MCPH1: variants seen among roughly 807,000 people sequenced by gnomAD.
MCPH1 encodes microcephalin 1.
A neutral mutation model predicts 84.5 loss-of-function variants in MCPH1; 104 were observed. The ratio of observed to expected loss-of-function variants is 1.23; its 90% CI spans 1.05 to 1.45. MCPH1 has a LOEUF of 1.45. MCPH1 is among the 40% of genes most tolerant of loss of function. MCPH1 has a pLI of 0.00. For missense variants in MCPH1, 1,498 were observed against 1,005.7 expected (o/e 1.49, Z -6.62); for synonymous variants, 514 against 366.8 (o/e 1.40, Z -4.58).
intron 12 of MCPH1, among the ~76,000 whole-genome samples, chr8:6,503,455 A>T (rs895107220): frequency 2.0e-5 from 3 of 152,206 alleles, no homozygotes; most frequent in African/African-American, 7.2e-5. Flanking sequence ...TCACAGTTCC[A>T]TTACGGCAAA....
intron 12 of MCPH1, chr8:6,502,790 C>T (rs1048125192): frequency 8.4e-6 from 3 of 356,218 alleles, no homozygotes; most frequent in African/African-American, 2.1e-5. Context: ...TAAACTTGCA[C>T]ATAACATTCT....
chr8:6,446,217 A>C, intron 8 of MCPH1: 5 of 924,492 alleles, frequency 5.4e-6, no homozygotes, highest in Non-Finnish European at 6.5e-6. Context: ...TAAAAGTCAA[A>C]ACAATAAAAA....
chr8:6,506,604 G>C lies in MCPH1; in HGVS notation c.2214+6675G>C, dbSNP rs1225740520. ...CTAGGTGTCTGTGGCTCCTCCACCT[G>C]ACCCTTTCCCTGCTGTTCAGCTTTA... is the stretch of plus-strand genomic sequence containing the variant. On this transcript the variant is annotated intron_variant, in intron 12 of 13. Transcript: ENST00000344683. 2.0e-5 allele frequency among the ~76,000 whole-genome samples: 3 copies of C among 152,122 alleles called. No individual in the cohort carries two copies. In the South Asian group the frequency reaches 6.2e-4, roughly 32 times the overall value.
intron 12 of MCPH1, among the ~76,000 whole-genome samples, chr8:6,525,217 A>T (rs566229779): frequency 6.6e-6 from 1 of 152,182 alleles, no homozygotes; most frequent in Non-Finnish European, 1.5e-5. Flanking sequence ...TAGATATTCA[A>T]TTGTAGCTCT....
chr8:6,436,296 C>G lies in MCPH1; in HGVS notation c.436+134C>G, dbSNP rs1261944370. Reference sequence around the variant, plus strand: ...TAGCTTTACTCTATGAAGGAGAAAACAAAATGTCAGGAGCCTGCGGGAGAC... The same window carrying G: ...TAGCTTTACTCTATGAAGGAGAAAAGAAAATGTCAGGAGCCTGCGGGAGAC... On this transcript the variant is annotated intron_variant, in intron 5 of 13. Transcript: ENST00000344683. The G allele has an allele frequency of 5.9e-6, 6 of 1,017,648 alleles. No homozygotes were observed. In the East Asian group the frequency reaches 8.4e-5, roughly 14 times the overall value. The allele number at this position is 1,017,648 out of a possible 1,614,324, so 63.0% of individuals were successfully genotyped here.
At chr8:6,634,130 A>G (rs983411867) in intron 13 of MCPH1, among the ~76,000 whole-genome samples, 5 of 152,216 alleles carry the variant, frequency 3.3e-5, no homozygotes, top group Non-Finnish European at 7.4e-5. Flanking sequence ...TAGTGTATTG[A>G]AAAACTAGAT....
intron 12 of MCPH1, among the ~76,000 whole-genome samples, chr8:6,505,513 AATATATATTCTTTATAT>A (rs1563307643): frequency 0.019 from 54 of 2,836 alleles, 1 homozygote; most frequent in African/African-American, 0.048. Context: ...GTATATATAG[AATATATATTCTTTATAT>A]ATGTATATAT....
intron 9 of MCPH1, among the ~76,000 whole-genome samples, chr8:6,473,320 CTTTTTTTTTT>C (rs56077837): frequency 5.2e-5 from 4 of 76,398 alleles, no homozygotes; most frequent in South Asian, 7.9e-4. Flanking sequence ...TCTCTCAATC[CTTTTTTTTTT>C]TTTTTTTTTT....
At chr8:6,585,073 G>C (rs1270490259) in intron 12 of MCPH1, among the ~76,000 whole-genome samples, 1 of 152,234 alleles carries the variant, frequency 6.6e-6, no homozygotes, top group Admixed American at 6.5e-5. Flanking sequence ...CTATTCTCTA[G>C]CAGTTCGGCT....
At chr8:6,470,110 G>C (rs1487139067) in intron 9 of MCPH1, among the ~76,000 whole-genome samples, 1 of 152,116 alleles carries the variant, frequency 6.6e-6, no homozygotes, top group East Asian at 1.9e-4. Context: ...TTCTGTAGTA[G>C]ATACCTTGAC....
chr8:6,573,033 TA>T (rs1826791953), intron 12 of MCPH1, among the ~76,000 whole-genome samples: 1 of 152,066 alleles, frequency 6.6e-6, no homozygotes, highest in Non-Finnish European at 1.5e-5. Flanking sequence ...CCTGTGCACT[TA>T]AAAAATAAAT....
chr8:6,473,621 G>A (rs557972390), intron 9 of MCPH1, among the ~76,000 whole-genome samples: 5 of 152,176 alleles, frequency 3.3e-5, no homozygotes, highest in African/African-American at 9.6e-5. Flanking sequence ...GTGAGCCACC[G>A]CGCCCAGCCT....
intron 11 of MCPH1, among the ~76,000 whole-genome samples, chr8:6,488,027 C>G (rs941986830): frequency 7.2e-5 from 11 of 152,152 alleles, no homozygotes; most frequent in African/African-American, 2.4e-4. Context: ...ATACTTTTTC[C>G]TGATTAAAAT....
At position 6,609,819 on chromosome 8, in the gene MCPH1, G is replaced by GCCCCCCCC. The variant is rs11280683; in HGVS notation, c.2215-11632_2215-11625dup. Among the ~76,000 whole-genome samples the GCCCCCCCC allele has an allele frequency of 1.2e-3, 129 of 103,928 alleles. 2 individuals are homozygous for GCCCCCCCC. The highest frequency in any genetic ancestry group is 2.7e-3 in the South Asian group (6 of 2,220). The allele number at this position is 103,928 out of a possible 152,430, so 68.2% of individuals were successfully genotyped here. ...TCTCATTATCAAAGCAATGCCCCCC[G>GCCCCCCCC]CCCCCCCCCCACACACAGACTGCCA... On this transcript the variant is annotated intron_variant, in intron 12 of 13. Transcript: ENST00000344683.
intron 11 of MCPH1, among the ~76,000 whole-genome samples, chr8:6,491,884 C>T (rs1443477674): frequency 1.3e-5 from 2 of 152,172 alleles, no homozygotes. Context: ...CATTGTTGGA[C>T]ATTTGGGTTG....
chr8:6,621,564 C>G lies in MCPH1; in HGVS notation c.2325C>G (p.Leu775=), dbSNP rs1831418777. The change falls in exon 13 of 14, where the codon CTC becomes CTG. Residue 775 remains leucine (L), a synonymous_variant. Coordinates refer to ENST00000344683, the MANE Select transcript of MCPH1 (RefSeq NM_024596.5). The part of the protein sequence containing the change: ...SPASSPPVAK[L]CELVHLCGGR... ...CCAGCAGCCCCCCAGTGGCCAAGCT[C>G]TGTGAACTAGTCCACCTGTGCGGAG... The G allele has an allele frequency of 6.2e-7, 1 of 1,614,116 alleles. No homozygotes were observed. The highest frequency in any genetic ancestry group is 1.3e-5 in the African/African-American group (1 of 74,950).
intron 2 of MCPH1, among the ~76,000 whole-genome samples, chr8:6,410,148 G>A (rs1450443312): frequency 1.3e-5 from 2 of 148,726 alleles, no homozygotes; most frequent in African/African-American, 2.5e-5. Flanking sequence ...TTTTTTTTTT[G>A]TATTTTTAGT....
chr8:6,417,767 C>A (rs1229727086), intron 3 of MCPH1, among the ~76,000 whole-genome samples: 1 of 152,000 alleles, frequency 6.6e-6, no homozygotes, highest in East Asian at 1.9e-4. Context: ...GTCTTAATGA[C>A]CTTGTCTGAT....
chr8:6,624,801 C>T lies in MCPH1; in HGVS notation c.2452+3110C>T, dbSNP rs1010221675. Reference sequence around the variant, plus strand: ...ACGTAAACCTACAGAACACACAGTCCAGGGCATTGCGTTTCCTGCCTCATC... The same window carrying T: ...ACGTAAACCTACAGAACACACAGTCTAGGGCATTGCGTTTCCTGCCTCATC... On this transcript the variant is annotated intron_variant, in intron 13 of 13. Transcript: ENST00000344683. 1.5e-5 allele frequency: 15 copies of T among 985,082 alleles called. No homozygotes were observed. The Admixed American group carries it at 3.1e-4, about 20-fold the overall frequency. 61.0% of individuals were successfully genotyped at this position (985,082 alleles called of 1,614,324 possible). A position where few individuals can be genotyped will look rare whatever the true frequency, so the allele number is the denominator to read the frequency against.
Sources: gnomAD v4.1 joint callset for allele counts (sites outside exome capture counted in the v4.1 genomes callset) on GRCh38, gnomAD v4.1.1 for gene constraint, MANE v1.5 for transcripts, NCBI Gene and HGNC (gene_info 2026-07-23, HGNC 2026-07-21) for gene names.